Variants in FSD1L observed in about 807,000 individuals in gnomAD.
FSD1L encodes the protein fibronectin type III and SPRY domain containing 1 like.
In FSD1L, 45 loss-of-function variants were observed where a neutral mutation model predicts 71.6. The ratio of observed to expected loss-of-function variants is 0.63; its 90% CI spans 0.49 to 0.81. FSD1L has a LOEUF of 0.81. Among genes scored for constraint, FSD1L ranks in the 30% least tolerant of loss-of-function variants. FSD1L has a pLI of 0.00. For synonymous variants in FSD1L, 197 were observed against 207.2 expected, an observed-to-expected ratio of 0.95 and a Z score of 0.42; for missense variants, 561 against 618.1, an observed-to-expected ratio of 0.91 and a Z score of 0.98.
In FSD1L at chr9:105,540,613, G is replaced by A. The variant is rs184332410; in HGVS notation, c.1467+1262G>A. On this transcript the variant is annotated intron_variant, in intron 13 of 13. Transcript: ENST00000481272. ...TGGTATGAAGTAAGGATCTAGATAC[G>A]TTCTTTAATTCCCCATGGATATCCA... Among the ~76,000 whole-genome samples the A allele has an allele frequency of 3.3e-5, 5 of 152,172 alleles. No individual in the cohort carries two copies. In the East Asian group the frequency reaches 7.7e-4, roughly 23 times the overall value.
chr9:105,517,370 T>C (rs1185105376), intron 10 of FSD1L, among the ~76,000 whole-genome samples: 1 of 152,072 alleles, frequency 6.6e-6, no homozygotes, highest in Non-Finnish European at 1.5e-5. Flanking sequence ...AGAAACCTAA[T>C]TGTCAGATCC....
At chr9:105,502,328 A>G (rs968905161) in intron 7 of FSD1L, among the ~76,000 whole-genome samples, 19 of 152,168 alleles carry the variant, frequency 1.2e-4, no homozygotes, top group African/African-American at 2.7e-4. Context: ...TTACTTTTCT[A>G]TTTAACTTAG....
Position 105,468,272 on chromosome 9 carries a change from G to A in FSD1L, c.287G>A (p.Ser96Asn), listed in dbSNP as rs41316532. ...LYSILDEVKE[S>N]MINCIKQEQA... ...TCTATACTGGATGAAGTAAAAGAAA[G>A]TATGATTAACTGTATCAAGCAGGAA... is the stretch of plus-strand genomic sequence containing the variant. Residue 96 changes from serine to asparagine, a missense_variant, in exon 4 of 14, where the codon AGT (serine) becomes AAT (asparagine). Ser to Asn is a conservative substitution (Grantham distance 46). Transcript: ENST00000481272. The A allele has an allele frequency of 6.7e-7, 1 of 1,486,744 alleles. No individual in the cohort carries two copies. The highest frequency in any genetic ancestry group is 2.8e-5 in the East Asian group (1 of 36,132). 92.1% of individuals were successfully genotyped at this position (1,486,744 alleles called of 1,614,324 possible).
At chr9:105,524,251 C>T (rs1835363898) in intron 10 of FSD1L, 2 of 1,612,240 alleles carry the variant, frequency 1.2e-6, no homozygotes, top group African/African-American at 1.3e-5. Context: ...AAAACAGTAG[C>T]CCACGTAGCT....
intron 7 of FSD1L, among the ~76,000 whole-genome samples, chr9:105,490,405 G>C (rs1317684188): frequency 6.6e-6 from 1 of 152,158 alleles, no homozygotes; most frequent in East Asian, 1.9e-4. Flanking sequence ...CTGGATACCT[G>C]CCCTTTGTCA....
At chr9:105,445,639 A>G (rs896200388), upstream of FSD1L, among the ~76,000 whole-genome samples, 1 of 152,162 alleles carries the variant, frequency 6.6e-6, no homozygotes, top group Non-Finnish European at 1.5e-5. Context: ...GCAGGGGCAG[A>G]GCCAGGAAGC....
upstream of FSD1L, among the ~76,000 whole-genome samples, chr9:105,444,608 ACT>A (rs1829603016): frequency 6.6e-6 from 1 of 152,058 alleles, no homozygotes; most frequent in South Asian, 2.1e-4. Context: ...GTTTTGCCAG[ACT>A]CTCTACATCA....
chr9:105,537,933 T>C (rs986763886), intron 12 of FSD1L, among the ~76,000 whole-genome samples: 10 of 152,288 alleles, frequency 6.6e-5, no homozygotes, highest in South Asian at 4.1e-4. Context: ...GTAGAATTCA[T>C]AGGACTTAGT....
intron 1 of FSD1L, among the ~76,000 whole-genome samples, chr9:105,455,460 A>G (rs1006341233): frequency 1.3e-5 from 2 of 151,474 alleles, no homozygotes; most frequent in Non-Finnish European, 3.0e-5. Flanking sequence ...AAGTGGCATC[A>G]TTTCTGGTGG....
In FSD1L at chr9:105,546,656, G is replaced by A. The variant is rs1368030621; in HGVS notation, c.*173G>A. On this transcript the variant is annotated 3_prime_UTR_variant, in exon 14 of 14. Coordinates refer to ENST00000481272, the MANE Select transcript of FSD1L (RefSeq NM_001145313.3). ...CGAAGCATTTGCAGGAACCTACTGT[G>A]CAGTATCATAGAAGCAAGCAGATAC... The A allele has an allele frequency of 4.1e-6, 2 of 488,020 alleles. No homozygotes were observed. The highest frequency in any genetic ancestry group is 8.2e-5 in the Admixed American group (2 of 24,474). The allele number at this position is 488,020 out of a possible 1,614,324, so 30.2% of individuals were successfully genotyped here. A position where few individuals can be genotyped will look rare whatever the true frequency, so the allele number is the denominator to read the frequency against.
At chr9:105,451,022 C>T (rs1450313786) in intron 1 of FSD1L, among the ~76,000 whole-genome samples, 2 of 152,072 alleles carry the variant, frequency 1.3e-5, no homozygotes, top group Non-Finnish European at 2.9e-5. Flanking sequence ...TGCAGTGGCG[C>T]GATCTTGGCT....
intron 6 of FSD1L, among the ~76,000 whole-genome samples, chr9:105,481,829 G>C (rs999785654): frequency 4.6e-4 from 70 of 151,464 alleles, no homozygotes; most frequent in African/African-American, 1.6e-3. Context: ...CTGGAGTGCA[G>C]TGGCACAATC....
intron 7 of FSD1L, among the ~76,000 whole-genome samples, chr9:105,493,701 G>T (rs984520610): frequency 6.6e-6 from 1 of 152,112 alleles, no homozygotes; most frequent in Non-Finnish European, 1.5e-5. Flanking sequence ...GCCTGGTGGT[G>T]ACAAAATCTC....
At chr9:105,481,288 A>T (rs1281609315) in intron 6 of FSD1L, among the ~76,000 whole-genome samples, 1 of 142,244 alleles carries the variant, frequency 7.0e-6, no homozygotes, top group Non-Finnish European at 1.5e-5. Context: ...TTCTCAACTT[A>T]ATTTTTTTTT....
At chr9:105,523,141 A>G in intron 10 of FSD1L, 1 of 1,613,938 alleles carries the variant, frequency 6.2e-7, no homozygotes, top group Non-Finnish European at 8.5e-7. Flanking sequence ...ACTACTCTTC[A>G]TATAGATTCT....
intron 12 of FSD1L, among the ~76,000 whole-genome samples, chr9:105,536,484 A>T (rs1836272152): frequency 6.6e-6 from 1 of 152,152 alleles, no homozygotes; most frequent in Non-Finnish European, 1.5e-5. Flanking sequence ...AAGGACAGTA[A>T]TTTGGCTATG....
chr9:105,456,852 C>T (rs996501902), intron 1 of FSD1L, among the ~76,000 whole-genome samples: 1 of 152,130 alleles, frequency 6.6e-6, no homozygotes, highest in Non-Finnish European at 1.5e-5. Flanking sequence ...TTAGTTGTCA[C>T]CACATGAATC....
chr9:105,528,571 G>T (rs1212255196), intron 10 of FSD1L, among the ~76,000 whole-genome samples: 1 of 152,142 alleles, frequency 6.6e-6, no homozygotes, highest in Non-Finnish European at 1.5e-5. Flanking sequence ...GGGAGAACTG[G>T]CTAGCTATGC....
chr9:105,453,263 C>T (rs921373934), intron 1 of FSD1L, among the ~76,000 whole-genome samples: 1 of 152,016 alleles, frequency 6.6e-6, no homozygotes, highest in Non-Finnish European at 1.5e-5. Flanking sequence ...CTCACTGCAA[C>T]CTCTGCTTCC....
Sources: gnomAD v4.1 joint callset for allele counts (sites outside exome capture counted in the v4.1 genomes callset) on GRCh38, gnomAD v4.1.1 for gene constraint, MANE v1.5 for transcripts, NCBI Gene and HGNC (gene_info 2026-07-23, HGNC 2026-07-21) for gene names.